SEL1L: variants seen among roughly 807,000 people sequenced by gnomAD.
SEL1L encodes the protein protein sel-1 homolog 1.
Under a neutral mutation model 109.8 loss-of-function variants are expected in SEL1L, and 52 were observed. That is an observed-to-expected ratio of 0.47 (90% CI 0.38 to 0.60). The LOEUF (loss-of-function observed/expected upper bound fraction) is 0.60, where lower values mean the gene tolerates loss of function less well. Among genes scored for constraint, SEL1L ranks in the 20% least tolerant of loss-of-function variants. SEL1L has a pLI of 0.00. For missense variants in SEL1L, 749 were observed against 962.2 expected (o/e 0.78, Z 2.93); for synonymous variants, 373 against 339.6 (o/e 1.10, Z -1.08).
Position 81,526,767 on chromosome 14 carries a change from C to G in SEL1L, c.306G>C (p.Lys102Asn). ...GTACTTTCTTTGGCTCTTCATAGTC[C>G]TTGTTTTCTGGATTTGGAGACTCTA... ...SFLESPNPEN[K>N]DYEEPKKVRK... The change falls in exon 3 of 21, where the codon AAG becomes AAC. Residue 102 changes from lysine (K) to asparagine (N), a missense_variant. Lys to Asn is a moderately conservative substitution (Grantham distance 94). Coordinates refer to ENST00000336735, the MANE Select transcript of SEL1L (RefSeq NM_005065.6). 6.2e-7 allele frequency: 1 copy of G among 1,609,516 alleles called. No homozygotes were observed. The highest frequency in any genetic ancestry group is 8.5e-7 in the Non-Finnish European group (1 of 1,178,790).
intron 3 of SEL1L, among the ~76,000 whole-genome samples, chr14:81,516,614 A>G (rs1595530634): frequency 6.6e-6 from 1 of 152,166 alleles, no homozygotes; most frequent in East Asian, 1.9e-4. Context: ...AAGTGTACGG[A>G]GCCCAAACCG....
chr14:81,485,869 TAAAAC>T (rs1903506030), intron 17 of SEL1L, 123 bp from the exon 18 acceptor site: 1 of 767,868 alleles, frequency 1.3e-6, no homozygotes, highest in East Asian at 2.6e-5. Context: ...ATATAAAAAT[TAAAAC>T]AAATACTGAA....
At chr14:81,513,914 G>C (rs1050448748) in intron 3 of SEL1L, among the ~76,000 whole-genome samples, 1 of 152,118 alleles carries the variant, frequency 6.6e-6, no homozygotes, top group Non-Finnish European at 1.5e-5. Flanking sequence ...CGGAACTCTC[G>C]AAGTCACGTC....
chr14:81,527,551 A>G (rs952544083), intron 2 of SEL1L, 150 bp downstream of exon 2: 5 of 513,448 alleles, frequency 9.7e-6, no homozygotes, highest in Non-Finnish European at 1.7e-5. Flanking sequence ...CAGAAAAACT[A>G]GAACTAATAC....
At chr14:81,532,681 T>C (rs1426146898) in intron 1 of SEL1L, among the ~76,000 whole-genome samples, 3 of 152,108 alleles carry the variant, frequency 2.0e-5, no homozygotes, top group South Asian at 2.1e-4. Flanking sequence ...GACAGGTAAT[T>C]TGGGGATTCA....
At chr14:81,509,452 T>G (rs1167522601) in intron 3 of SEL1L, among the ~76,000 whole-genome samples, 1 of 152,144 alleles carries the variant, frequency 6.6e-6, no homozygotes, top group Non-Finnish European at 1.5e-5. Context: ...AAATTCACAT[T>G]TTCTAGGTAA....
At chr14:81,490,727 CCT>C (rs560955232) in intron 12 of SEL1L, among the ~76,000 whole-genome samples, 86 of 152,202 alleles carry the variant, frequency 5.7e-4, no homozygotes, top group African/African-American at 2.0e-3. Flanking sequence ...ATGGCAAAAC[CCT>C]GTCTCTACTA....
intron 3 of SEL1L, among the ~76,000 whole-genome samples, chr14:81,513,166 C>T (rs1401934900): frequency 6.6e-6 from 1 of 152,216 alleles, no homozygotes; most frequent in Non-Finnish European, 1.5e-5. Context: ...CACCAATCAG[C>T]TCTCTGTAAA....
At chr14:81,507,701 T>C (rs1449901887) in intron 3 of SEL1L, among the ~76,000 whole-genome samples, 2 of 151,488 alleles carry the variant, frequency 1.3e-5, no homozygotes, top group Non-Finnish European at 2.9e-5. Flanking sequence ...CAGATAACAC[T>C]TGAATTCAAG....
At chr14:81,532,763 T>C (rs149209987) in intron 1 of SEL1L, among the ~76,000 whole-genome samples, 104 of 152,334 alleles carry the variant, frequency 6.8e-4, no homozygotes, top group African/African-American at 2.4e-3. Flanking sequence ...CTGACATTTA[T>C]ACTCCGTGTT....
At chr14:81,515,312 A>G (rs1566622843) in intron 3 of SEL1L, among the ~76,000 whole-genome samples, 1 of 152,216 alleles carries the variant, frequency 6.6e-6, no homozygotes, top group African/African-American at 2.4e-5. Context: ...CAGATGTCCT[A>G]CAGGGTCTAG....
At chr14:81,508,873 T>G (rs1884348047) in intron 3 of SEL1L, among the ~76,000 whole-genome samples, 1 of 152,170 alleles carries the variant, frequency 6.6e-6, no homozygotes, top group African/African-American at 2.4e-5. Flanking sequence ...TTCAAATATA[T>G]GAAATAATTC....
At chr14:81,484,617 T>A in intron 18 of SEL1L, 1 of 424,570 alleles carries the variant, frequency 2.4e-6, no homozygotes, top group Non-Finnish European at 4.3e-6. Flanking sequence ...TACAGAGAGG[T>A]AAAACCAAGT....
In SEL1L at chr14:81,502,880, T is replaced by A; in HGVS notation, c.618A>T (p.Ala206=). Residue 206 remains alanine (A), a synonymous_variant, in exon 6 of 21, where the codon GCA becomes GCT. Transcript: ENST00000336735. ...TTGCTGCCTTTTGGAGATACCGATATGCTCTTCAAATGTAAACAATTAAAA... is the reference window on the plus strand; with the variant it reads ...TTGCTGCCTTTTGGAGATACCGATAAGCTCTTCAAATGTAAACAATTAAAA... The part of the protein sequence containing the change: ...GSNKKSQKRE[A]YRYLQKAASM... 1 of 1,601,150 alleles carries A rather than the reference T, an allele frequency of 6.2e-7. No individual in the cohort carries two copies. Among genetic ancestry groups the A allele is most frequent in the Non-Finnish European group, 8.5e-7 (1 of 1,173,970 alleles).
rs145336122 is a variant in SEL1L at position 81,511,435 on chromosome 14, A to G, written c.341-5194T>C. Reference sequence around the variant, plus strand: ...ACTTGCTCAGGAAAGCTGCTGTTTAAGAACAGTGGGTTTCTCTAAACAACG... The same window carrying G: ...ACTTGCTCAGGAAAGCTGCTGTTTAGGAACAGTGGGTTTCTCTAAACAACG... On this transcript the variant is annotated intron_variant, in intron 3 of 20. Transcript: ENST00000336735. Among the ~76,000 whole-genome samples the G allele has an allele frequency of 3.3e-3, 502 of 152,350 alleles. 6 individuals are homozygous for G. The highest frequency in any genetic ancestry group is 0.01 in the African/African-American group (429 of 41,594).
chr14:81,516,985 A>G (rs1326125557), intron 3 of SEL1L, among the ~76,000 whole-genome samples: 1 of 152,220 alleles, frequency 6.6e-6, no homozygotes, highest in Non-Finnish European at 1.5e-5. Flanking sequence ...CCAAATCATT[A>G]AACCTGGGGA....
chr14:81,486,885 T>G (rs1354912816), intron 16 of SEL1L, among the ~76,000 whole-genome samples: 1 of 152,150 alleles, frequency 6.6e-6, no homozygotes, highest in Non-Finnish European at 1.5e-5. Flanking sequence ...GTGCCAAGTC[T>G]AAGAGAGAGC....
At chr14:81,518,430 T>C (rs1276001352) in intron 3 of SEL1L, among the ~76,000 whole-genome samples, 1 of 151,030 alleles carries the variant, frequency 6.6e-6, no homozygotes, top group Non-Finnish European at 1.5e-5. Flanking sequence ...GAGGCCGAGG[T>C]GGGTGGATCA....
At chr14:81,491,385 C>A (rs144255159) in intron 12 of SEL1L, among the ~76,000 whole-genome samples, 99 of 152,138 alleles carry the variant, frequency 6.5e-4, no homozygotes, top group African/African-American at 2.4e-3. Flanking sequence ...GTTAAAGAAA[C>A]AATAAATGTA....
Sources: allele counts gnomAD v4.1 joint callset (sites outside exome capture counted in the v4.1 genomes callset), GRCh38; gene constraint gnomAD v4.1.1; transcripts MANE v1.5; gene names NCBI Gene and HGNC (gene_info 2026-07-23, HGNC 2026-07-21).